The following FRMPD4 variants were observed in gnomAD, a reference collection of about 807,000 sequenced individuals.
FRMPD4 encodes the protein FERM and PDZ domain-containing protein 4.
In FRMPD4, 22 loss-of-function variants were observed where a neutral mutation model predicts 94.1. The ratio of observed to expected loss-of-function variants is 0.23; its 90% CI spans 0.17 to 0.33. The LOEUF is 0.33. FRMPD4 is among the 10% of genes least tolerant of loss of function. The probability of loss-of-function intolerance (pLI) is 1.00; values close to 1 mark genes in which losing one functional copy is unlikely to be tolerated. For synonymous variants in FRMPD4, 631 were observed against 548.6 expected, an observed-to-expected ratio of 1.15 and a Z score of -2.10; for missense variants, 1,111 against 1,339.9, an observed-to-expected ratio of 0.83 and a Z score of 2.67.
intron 1 of FRMPD4, among the ~76,000 whole-genome samples, chrX:12,393,455 C>G (rs2056503890): frequency 8.9e-6 from 1 of 111,857 alleles, no homozygotes; most frequent in East Asian, 2.8e-4. Context: ...TTAAGATAGG[C>G]TTGGCTTATC....
chrX:12,579,765 C>A (rs113108994), intron 2 of FRMPD4, among the ~76,000 whole-genome samples: 20 of 111,721 alleles, frequency 1.8e-4, no homozygotes, highest in Non-Finnish European at 3.6e-4. Flanking sequence ...TTCATGAATG[C>A]TTTTTTACAG....
At chrX:11,826,603 G>A (rs1312099556) in intron 1 of FRMPD4, among the ~76,000 whole-genome samples, 1 of 111,993 alleles carries the variant, frequency 8.9e-6, no homozygotes, top group African/African-American at 3.2e-5. Flanking sequence ...GGTCATCAAA[G>A]TCAAGTTCCT....
intron 5 of FRMPD4, among the ~76,000 whole-genome samples, chrX:12,676,204 C>T (rs983394707): frequency 2.7e-5 from 3 of 112,140 alleles, no homozygotes; most frequent in African/African-American, 6.5e-5. Context: ...GCAGTGACTA[C>T]CATAGCTGCT....
intron 1 of FRMPD4, among the ~76,000 whole-genome samples, chrX:12,193,767 AAAGAAAGG>A (rs1194140800): frequency 1.8e-4 from 4 of 21,967 alleles, no homozygotes; most frequent in Non-Finnish European, 2.8e-4. Context: ...AGAAAGAAAG[AAAGAAAGG>A]AAGGAAGGAA....
At chrX:12,600,202 A>C (rs2059072644) in intron 2 of FRMPD4, among the ~76,000 whole-genome samples, 1 of 110,512 alleles carries the variant, frequency 9.0e-6, no homozygotes, top group Admixed American at 9.8e-5. Context: ...CAACTTGCTT[A>C]CTAGATCATG....
intron 2 of FRMPD4, among the ~76,000 whole-genome samples, chrX:12,593,178 C>T (rs1227118404): frequency 8.9e-6 from 1 of 112,002 alleles, no homozygotes; most frequent in East Asian, 2.8e-4. Flanking sequence ...GGGAAGTAAG[C>T]GTTCTAAATT....
intron 1 of FRMPD4, among the ~76,000 whole-genome samples, chrX:12,468,372 G>C (rs1270979570): frequency 1.8e-5 from 2 of 111,914 alleles, no homozygotes; most frequent in African/African-American, 6.5e-5. Context: ...ACCATGCAAA[G>C]GCAGCAAAAA....
At chrX:12,300,466 G>T (rs954286829) in intron 1 of FRMPD4, among the ~76,000 whole-genome samples, 2 of 111,903 alleles carry the variant, frequency 1.8e-5, no homozygotes, top group Non-Finnish European at 3.8e-5. Flanking sequence ...AAAGTCAGGT[G>T]ATGTGGACTT....
intron 1 of FRMPD4, among the ~76,000 whole-genome samples, chrX:12,327,741 G>A (rs1182112478): frequency 9.1e-6 from 1 of 109,702 alleles, no homozygotes; most frequent in Non-Finnish European, 1.9e-5. Flanking sequence ...TGAAAGTACT[G>A]CATAGCAGAT....
intron 3 of FRMPD4, among the ~76,000 whole-genome samples, chrX:12,022,285 G>A (rs2147424544): frequency 8.9e-6 from 1 of 112,538 alleles, no homozygotes; most frequent in South Asian, 3.7e-4. Context: ...ATCTGCATTT[G>A]TGAGAACTGC....
At chrX:12,095,256 C>T (rs1051465720) in intron 3 of FRMPD4, among the ~76,000 whole-genome samples, 4 of 108,649 alleles carry the variant, frequency 3.7e-5, no homozygotes, top group Admixed American at 9.9e-5. Context: ...TACATGCTTG[C>T]GGTCCCAGCT....
chrX:12,633,076 A>G (rs1307813323), intron 4 of FRMPD4, among the ~76,000 whole-genome samples: 1 of 111,962 alleles, frequency 8.9e-6, no homozygotes, highest in Non-Finnish European at 1.9e-5. Flanking sequence ...TAGTTGAGGA[A>G]ACAGGATTAG....
intron 1 of FRMPD4, among the ~76,000 whole-genome samples, chrX:12,276,615 A>G (rs1044626131): frequency 2.7e-5 from 3 of 111,448 alleles, no homozygotes; most frequent in African/African-American, 9.8e-5. Flanking sequence ...AAAATTTCTT[A>G]TCAGACTTAA....
At chrX:12,409,484 T>C (rs972120468) in intron 1 of FRMPD4, among the ~76,000 whole-genome samples, 4 of 112,148 alleles carry the variant, frequency 3.6e-5, no homozygotes, top group African/African-American at 1.3e-4. Context: ...GTTCCTTTAA[T>C]TGAAGACAAT....
At chrX:12,473,522 A>G (rs1295810729) in intron 1 of FRMPD4, among the ~76,000 whole-genome samples, 3 of 110,159 alleles carry the variant, frequency 2.7e-5, no homozygotes, top group Non-Finnish European at 5.6e-5. Flanking sequence ...AGACTGGCAA[A>G]TTGGATAAAC....
intron 4 of FRMPD4, among the ~76,000 whole-genome samples, chrX:12,665,418 T>C (rs2059765647): frequency 9.6e-6 from 1 of 103,913 alleles, no homozygotes; most frequent in South Asian, 4.5e-4. Context: ...CACTCCAGAC[T>C]GGGCAACAGA....
chrX:12,197,974 T>C (rs530634716), intron 1 of FRMPD4, among the ~76,000 whole-genome samples: 2 of 112,296 alleles, frequency 1.8e-5, no homozygotes, highest in Admixed American at 9.4e-5. Flanking sequence ...TTTTAACATA[T>C]AAACCCAAAT....
At chrX:12,298,445 C>T (rs2054807320) in intron 1 of FRMPD4, among the ~76,000 whole-genome samples, 1 of 112,519 alleles carries the variant, frequency 8.9e-6, no homozygotes, top group South Asian at 3.7e-4. Flanking sequence ...CATATCAGCT[C>T]TGATTCCCTT....
chrX:11,962,901 T>A lies in FRMPD4; in HGVS notation c.95+84883T>A, dbSNP rs749131707. ...TGGATTCTCAGCACAATCTCTTCTA[T>A]TTTAAATGTGATCTATTTTCTTTTG... On this transcript the variant is annotated intron_variant, in intron 3 of 18. Transcript: ENST00000640291. Among the ~76,000 whole-genome samples, 3 of 111,964 alleles carry A rather than the reference T, an allele frequency of 2.7e-5. No individual in the cohort carries two copies. In the East Asian group the frequency reaches 8.4e-4, roughly 31 times the overall value.
Sources: allele counts gnomAD v4.1 joint callset (sites outside exome capture counted in the v4.1 genomes callset), GRCh38; gene constraint gnomAD v4.1.1; transcripts MANE v1.5; gene names NCBI Gene and HGNC (gene_info 2026-07-23, HGNC 2026-07-21).